Variants in SYPL1 observed in about 807,000 individuals in gnomAD.
SYPL1 encodes the protein synaptophysin like 1.
Under a neutral mutation model 23.7 loss-of-function variants are expected in SYPL1, and 6 were observed. The ratio of observed to expected loss-of-function variants is 0.25; its 90% CI spans 0.14 to 0.50. The LOEUF (loss-of-function observed/expected upper bound fraction) is 0.50. Ranked by LOEUF, SYPL1 falls within the 20% of genes least tolerant of loss-of-function variation. SYPL1 has a pLI of 0.98. For missense variants in SYPL1, 253 were observed against 288.9 expected (o/e 0.88, Z 0.90); for synonymous variants, 102 against 104.5 (o/e 0.98, Z 0.15).
rs1840278017 is a variant in SYPL1 at position 106,100,953 on chromosome 7, C to T, written c.70-1671G>A. Among the ~76,000 whole-genome samples, 1 of 152,214 alleles carries T rather than the reference C, an allele frequency of 6.6e-6. No individual in the cohort carries two copies. The highest frequency in any genetic ancestry group is 1.5e-5 in the Non-Finnish European group (1 of 68,030). ...CCTTTACCTAATCTGTATACACAAA[C>T]TGCTTTCCATGCGATACCTTTAATG... On this transcript the variant is annotated intron_variant, in intron 1 of 4. Transcript: ENST00000455385. This position sits in a 1 kb window ranked among gnomAD's most constrained non-coding sequence, Gnocchi z 5.1.
Position 106,091,690 on chromosome 7 carries a change from C to T in SYPL1, c.*115G>A. The T allele has an allele frequency of 1.7e-6, 2 of 1,192,618 alleles. No homozygotes were observed. Among genetic ancestry groups the T allele is most frequent in the South Asian group, 2.1e-5 (1 of 47,696 alleles). 73.9% of individuals were successfully genotyped at this position (1,192,618 alleles called of 1,614,324 possible). ...TAAAAAAGCAGCAAAGTTTTAAACC[C>T]ACCAATATATTGACAAAGCCATTAC... On this transcript the variant is annotated 3_prime_UTR_variant, in exon 5 of 5. Coordinates refer to ENST00000455385, the MANE Select transcript of SYPL1 (RefSeq NM_182715.4). This position sits in a 1 kb window ranked among gnomAD's most constrained non-coding sequence, Gnocchi z 5.0.
At chr7:106,105,569 T>G (rs1270204455) in intron 1 of SYPL1, among the ~76,000 whole-genome samples, 1 of 149,670 alleles carries the variant, frequency 6.7e-6, no homozygotes, top group Non-Finnish European at 1.5e-5. Context: ...TCAGGGTGAA[T>G]AGTACAGCCT....
chr7:106,092,648 G>C (rs112469266), intron 4 of SYPL1: 34,405 of 378,674 alleles, frequency 0.091, 1,643 homozygotes, highest in Middle Eastern at 0.17. Context: ...ACTCCAGTCT[G>C]AGCGACATAG....
At chr7:106,105,943 G>C (rs1255545078) in intron 1 of SYPL1, among the ~76,000 whole-genome samples, 1 of 152,070 alleles carries the variant, frequency 6.6e-6, no homozygotes, top group African/African-American at 2.4e-5. Context: ...TGTCTTCAAA[G>C]AAATAGATTG....
At chr7:106,106,360 C>T (rs1840598664) in intron 1 of SYPL1, among the ~76,000 whole-genome samples, 2 of 151,794 alleles carry the variant, frequency 1.3e-5, no homozygotes, top group African/African-American at 2.4e-5. Context: ...CCAGCCTGGC[C>T]AACATGGTGA....
chr7:106,097,569 A>T lies in SYPL1; in HGVS notation c.402+121T>A, dbSNP rs1440939995. 7 of 887,850 alleles carry T rather than the reference A, an allele frequency of 7.9e-6. No individual in the cohort carries two copies. The highest frequency in any genetic ancestry group is 1.1e-5 in the Non-Finnish European group (7 of 620,608). The allele number at this position is 887,850 out of a possible 1,614,324, so 55.0% of individuals were successfully genotyped here. On this transcript the variant is annotated intron_variant, in intron 3 of 4. Coordinates refer to ENST00000455385, the MANE Select transcript of SYPL1 (RefSeq NM_182715.4). The surrounding 1 kb of genome is among the most constrained non-coding windows in gnomAD (Gnocchi z 4.6). The stretch of plus-strand genomic sequence containing the variant: ...ATGGGAGAAAGCTCAACCTCGTGGC[A>T]AACACAGGCTAAAATATGCTGAACT...
upstream of SYPL1, chr7:106,112,410 G>T (rs1790218466): frequency 7.2e-7 from 1 of 1,386,508 alleles, no homozygotes. Flanking sequence ...GGCGGAAACG[G>T]AGTGGGGCGG....
rs1219499438 is a variant in SYPL1 at position 106,090,924 on chromosome 7, A to G, written c.*881T>C. ...TGGTAAATTTCAAACATGGAAAGCA[A>G]TCTTAATTTTTTTAACCCTTTGACT... On this transcript the variant is annotated 3_prime_UTR_variant, in exon 5 of 5. Transcript: ENST00000455385. 2.0e-5 allele frequency: 3 copies of G among 152,232 alleles called. No homozygotes were observed. Among genetic ancestry groups the G allele is most frequent in the African/African-American group, 4.8e-5 (2 of 41,458 alleles). 9.4% of individuals were successfully genotyped at this position (152,232 alleles called of 1,614,324 possible).
intron 4 of SYPL1, chr7:106,092,615 G>A (rs1839789078): frequency 2.8e-6 from 1 of 358,214 alleles, no homozygotes; most frequent in South Asian, 2.0e-5. Context: ...GGAGGTTGCA[G>A]TGTGCCGAGA....
At chr7:106,103,093 AC>A (rs1473906653) in intron 1 of SYPL1, among the ~76,000 whole-genome samples, 1 of 152,164 alleles carries the variant, frequency 6.6e-6, no homozygotes. Flanking sequence ...TCTAAGAGAA[AC>A]CCTTGCTCAC....
chr7:106,099,332 A>G (rs1222714026), intron 1 of SYPL1, 50 bp from the exon 2 acceptor site: 26 of 1,571,444 alleles, frequency 1.7e-5, no homozygotes, highest in Non-Finnish European at 2.2e-5. Flanking sequence ...GATAAGCAAT[A>G]CTACAACCAA....
Position 106,093,629 on chromosome 7 carries a change from T to C in SYPL1, c.403-492A>G, listed in dbSNP as rs1035498687. Among the ~76,000 whole-genome samples, 2 of 73,266 alleles carry C rather than the reference T, an allele frequency of 2.7e-5. 1 individual carries two copies. The highest frequency in any genetic ancestry group is 8.5e-5 in the Non-Finnish European group (2 of 23,554). The allele number at this position is 73,266 out of a possible 152,430, so 48.1% of individuals were successfully genotyped here. A position where few individuals can be genotyped will look rare whatever the true frequency, so the allele number is the denominator to read the frequency against. ...TCTTACTGTATCACCACTTCACTAA[T>C]GTCCTCACTTATTTTAATCAATTTC... On this transcript the variant is annotated intron_variant, in intron 3 of 4. Coordinates refer to ENST00000455385, the MANE Select transcript of SYPL1 (RefSeq NM_182715.4).
rs7779908 is a variant in SYPL1, at chr7:106,109,397, C to T, written c.69+2743G>A. Among the ~76,000 whole-genome samples the T allele has an allele frequency of 0.1, 15,402 of 152,180 alleles. 905 individuals carry two copies. The highest frequency in any genetic ancestry group is 0.26 in the East Asian group (1,358 of 5,182). On this transcript the variant is annotated intron_variant, in intron 1 of 4. Coordinates refer to ENST00000455385, the MANE Select transcript of SYPL1 (RefSeq NM_182715.4). This position sits in a 1 kb window ranked among gnomAD's most constrained non-coding sequence, Gnocchi z 4.3. ...TCTTGCTAACTAGTCCTTATTTTAT[C>T]AACTAGTCCTTATTTTACTTTACCA...
intron 1 of SYPL1, 100 bp downstream of exon 1, chr7:106,112,040 C>T (rs1790184053): frequency 8.5e-7 from 1 of 1,180,200 alleles, no homozygotes; most frequent in Non-Finnish European, 1.1e-6. Context: ...CCTCAAAGCC[C>T]GCGCGGCAGG....
rs775894085 is a variant in SYPL1 at position 106,092,976 on chromosome 7, G to A, written c.564C>T (p.Thr188=). The A allele has an allele frequency of 6.2e-7, 1 of 1,607,332 alleles. No homozygotes were observed. The highest frequency in any genetic ancestry group is 2.2e-5 in the East Asian group (1 of 44,652). The part of the protein sequence containing the change: ...KAVLCYFGSV[T]SMGSLNVSVI... ...CAGATACATTTAGGGATCCCATACT[G>A]GTCACAGAGCCAAAGTAACACAGTA... The change falls in exon 4 of 5, where the codon ACC becomes ACT. Residue 188 remains threonine, a synonymous_variant. Transcript: ENST00000455385.
chr7:106,097,777 G>A lies in SYPL1; in HGVS notation c.315C>T (p.Val105=), dbSNP rs1329998362. The A allele has an allele frequency of 2.5e-6, 4 of 1,613,938 alleles. No individual in the cohort carries two copies. Among genetic ancestry groups the A allele is most frequent in the Admixed American group, 3.3e-5 (2 of 60,004 alleles). The change falls in exon 3 of 5, where the codon GTC becomes GTT. Residue 105 remains valine (V), a synonymous_variant. Transcript: ENST00000455385. This position sits in a 1 kb window ranked among gnomAD's most constrained non-coding sequence, Gnocchi z 4.6. ...SSAQFYVTFA[V]FVFLYCIAAL... The stretch of plus-strand genomic sequence containing the variant: ...CAGCAATGCAGTACAGGAACACAAA[G>A]ACTGCAAAGGTAACATAGAATTGTG...
intron 1 of SYPL1, among the ~76,000 whole-genome samples, chr7:106,106,462 G>T (rs1840605041): frequency 1.3e-5 from 2 of 151,678 alleles, no homozygotes. Flanking sequence ...TGAGGCAGGA[G>T]AATTGCTTGA....
In SYPL1 at chr7:106,100,895, C is replaced by T. The variant is rs1840275097; in HGVS notation, c.70-1613G>A. 6.6e-6 allele frequency among the ~76,000 whole-genome samples: 1 copy of T among 152,136 alleles called. No homozygotes were observed. Among genetic ancestry groups the T allele is most frequent in the Admixed American group, 6.5e-5 (1 of 15,270 alleles). Reference sequence around the variant, plus strand: ...TAAAGGCCTGCAAGATCCTTTCTTCCCTTATATTTCTGACCTCATGTTGCT... The same window carrying T: ...TAAAGGCCTGCAAGATCCTTTCTTCTCTTATATTTCTGACCTCATGTTGCT... On this transcript the variant is annotated intron_variant, in intron 1 of 4. Coordinates refer to ENST00000455385, the MANE Select transcript of SYPL1 (RefSeq NM_182715.4). The surrounding 1 kb of genome is among the most constrained non-coding windows in gnomAD (Gnocchi z 5.1).
intron 4 of SYPL1, 80 bp from the exon 5 acceptor site, chr7:106,092,019 C>CT: frequency 7.3e-7 from 1 of 1,370,712 alleles, no homozygotes; most frequent in Non-Finnish European, 9.8e-7. Context: ...CTCACTTTTT[C>CT]TTTAAATATT....
Sources: allele counts gnomAD v4.1 joint callset (sites outside exome capture counted in the v4.1 genomes callset), GRCh38; gene constraint gnomAD v4.1.1; non-coding constraint Gnocchi (gnomAD v3.1); transcripts MANE v1.5; gene names NCBI Gene and HGNC (gene_info 2026-07-23, HGNC 2026-07-21).